Variants in FHOD3 observed in about 807,000 individuals in gnomAD.
The protein encoded by FHOD3 is FH1/FH2 domain-containing protein 3.
Under a neutral mutation model 173.0 loss-of-function variants are expected in FHOD3, and 90 were observed. That is an observed-to-expected ratio of 0.52 (90% confidence interval 0.44 to 0.62). FHOD3 has a LOEUF of 0.62. Among genes scored for constraint, FHOD3 ranks in the 20% least tolerant of loss-of-function variants. The pLI is 0.00. For synonymous variants in FHOD3, 828 were observed against 823.0 expected (o/e 1.01, Z -0.10); for missense variants, 1,945 against 2,034.7 (o/e 0.96, Z 0.85).
At chr18:36,481,025 T>A (rs1258467105) in intron 3 of FHOD3, among the ~76,000 whole-genome samples, 2 of 52,634 alleles carry the variant, frequency 3.8e-5, no homozygotes, top group African/African-American at 1.1e-4. Flanking sequence ...AGGTGGTTTT[T>A]TTTTTTTTTT....
chr18:36,678,411 C>G (rs549064673), intron 14 of FHOD3, among the ~76,000 whole-genome samples: 5 of 151,000 alleles, frequency 3.3e-5, no homozygotes, highest in Non-Finnish European at 5.9e-5. Flanking sequence ...ATGGTGCATG[C>G]CTGTGGTCCC....
intron 3 of FHOD3, among the ~76,000 whole-genome samples, chr18:36,462,709 T>C (rs1040391335): frequency 2.6e-5 from 4 of 152,214 alleles, no homozygotes; most frequent in Admixed American, 2.0e-4. Flanking sequence ...ACTGCAACCT[T>C]GAACTCCTAA....
rs563996405 is a variant in FHOD3 at position 36,341,731 on chromosome 18, C to T, written c.166-13808C>T. On this transcript the variant is annotated intron_variant, in intron 1 of 28. Transcript: ENST00000590592. ...CCATACAAACACTGAAATCCAGTTT[C>T]GAGTGAGTTTAATCCTTGTTTGGAT... is the stretch of plus-strand genomic sequence containing the variant. Among the ~76,000 whole-genome samples the T allele has an allele frequency of 1.1e-3, 167 of 152,262 alleles. 1 individual carries two copies. Among genetic ancestry groups the T allele is most frequent in the East Asian group, 2.1e-3 (11 of 5,182 alleles).
At chr18:36,453,467 T>C (rs1478240390) in intron 3 of FHOD3, among the ~76,000 whole-genome samples, 2 of 152,246 alleles carry the variant, frequency 1.3e-5, no homozygotes, top group Non-Finnish European at 2.9e-5. Context: ...TGCCTCTCAC[T>C]GCACATGGCT....
intron 8 of FHOD3, among the ~76,000 whole-genome samples, chr18:36,610,085 T>C (rs1161246761): frequency 1.3e-5 from 2 of 152,114 alleles, no homozygotes; most frequent in Non-Finnish European, 2.9e-5. Context: ...AAGAAGAAGG[T>C]GGGGGAACGA....
At chr18:36,547,214 G>A (rs763075024) in intron 5 of FHOD3, among the ~76,000 whole-genome samples, 4 of 152,258 alleles carry the variant, frequency 2.6e-5, no homozygotes, top group South Asian at 2.1e-4. Context: ...GCACCAGGCC[G>A]GCCTGTTCCT....
chr18:36,419,169 G>A (rs2049849136), intron 3 of FHOD3, among the ~76,000 whole-genome samples: 1 of 151,874 alleles, frequency 6.6e-6, no homozygotes, highest in Non-Finnish European at 1.5e-5. Flanking sequence ...AACATTGGAT[G>A]CATTCAAAGG....
intron 1 of FHOD3, among the ~76,000 whole-genome samples, chr18:36,352,636 G>T (rs1044031889): frequency 1.2e-4 from 18 of 152,178 alleles, no homozygotes; most frequent in Non-Finnish European, 2.4e-4. Context: ...GGCTCTGAAT[G>T]ACTCAGACCT....
chr18:36,298,666 G>A (rs1256301992), intron 1 of FHOD3, among the ~76,000 whole-genome samples: 1 of 152,158 alleles, frequency 6.6e-6, no homozygotes, highest in Non-Finnish European at 1.5e-5. Context: ...GGGCGGGGGC[G>A]CGGAGGGGCG....
chr18:36,689,680 T>C (rs369499654), intron 16 of FHOD3, among the ~76,000 whole-genome samples: 42 of 152,172 alleles, frequency 2.8e-4, no homozygotes, highest in African/African-American at 1.0e-3. Context: ...TGAGCCAGGC[T>C]GGGGGTGTGT....
At chr18:36,541,882 C>T (rs1048604166) in intron 5 of FHOD3, among the ~76,000 whole-genome samples, 1 of 152,188 alleles carries the variant, frequency 6.6e-6, no homozygotes, top group Non-Finnish European at 1.5e-5. Context: ...AATGCCCTTT[C>T]TTCTAAGTAC....
At chr18:36,740,546 A>G in intron 20 of FHOD3, 110 bp from the exon 21 acceptor site, 2 of 1,127,422 alleles carry the variant, frequency 1.8e-6, no homozygotes, top group Non-Finnish European at 2.5e-6. Context: ...ACACCTGTAC[A>G]TACCTCTACT....
intron 17 of FHOD3, among the ~76,000 whole-genome samples, chr18:36,699,393 G>A (rs142806633): frequency 1.7e-4 from 26 of 152,356 alleles, no homozygotes; most frequent in African/African-American, 6.3e-4. Context: ...AGAGAATCTG[G>A]CTTGTTGGCT....
intron 3 of FHOD3, among the ~76,000 whole-genome samples, chr18:36,482,850 CACACACACAGAG>C (rs1568331957): frequency 9.6e-5 from 10 of 104,274 alleles, no homozygotes; most frequent in African/African-American, 3.4e-4. Context: ...CACACACTCA[CACACACACAGAG>C]AGAGAGAGAG....
chr18:36,525,330 T>G (rs2056463517), intron 5 of FHOD3, among the ~76,000 whole-genome samples: 2 of 152,184 alleles, frequency 1.3e-5, no homozygotes, highest in South Asian at 4.2e-4. Flanking sequence ...TTGCCATGAG[T>G]TCTACAGCTG....
chr18:36,521,014 G>T (rs2056246242), intron 5 of FHOD3, among the ~76,000 whole-genome samples: 1 of 152,172 alleles, frequency 6.6e-6, no homozygotes, highest in Non-Finnish European at 1.5e-5. Context: ...CTTTTACAAG[G>T]TTTCTATTTG....
chr18:36,580,796 A>G (rs1028248148), intron 6 of FHOD3, among the ~76,000 whole-genome samples: 4 of 152,236 alleles, frequency 2.6e-5, no homozygotes, highest in African/African-American at 9.6e-5. Context: ...TACAGCTGCA[A>G]TGGGTTTTCC....
intron 3 of FHOD3, among the ~76,000 whole-genome samples, chr18:36,419,929 G>T (rs2049901035): frequency 1.3e-5 from 2 of 152,252 alleles, no homozygotes; most frequent in African/African-American, 4.8e-5. Flanking sequence ...CCTAAAGTAG[G>T]ACTGAGAAAA....
At chr18:36,454,214 G>A (rs1002379583) in intron 3 of FHOD3, among the ~76,000 whole-genome samples, 1 of 150,432 alleles carries the variant, frequency 6.6e-6, no homozygotes, top group Non-Finnish European at 1.5e-5. Context: ...TGGAGAGCTG[G>A]CACACACACA....
Sources: allele counts gnomAD v4.1 joint callset (sites outside exome capture counted in the v4.1 genomes callset), GRCh38; gene constraint gnomAD v4.1.1; transcripts MANE v1.5; gene names NCBI Gene and HGNC (gene_info 2026-07-23, HGNC 2026-07-21).